WNK2: variants seen among roughly 807,000 people sequenced by gnomAD.
The protein encoded by WNK2 is WNK lysine deficient protein kinase 2.
In WNK2, 67 loss-of-function variants were observed where a neutral mutation model predicts 192.1. The ratio of observed to expected loss-of-function variants is 0.35; its 90% CI spans 0.29 to 0.43. The LOEUF is 0.43. WNK2 is among the 20% of genes least tolerant of loss of function. The pLI is 1.00. For synonymous variants in WNK2, 1,439 were observed against 1,393.9 expected, an observed-to-expected ratio of 1.03 and a Z score of -0.72; for missense variants, 2,698 against 3,089.7, an observed-to-expected ratio of 0.87 and a Z score of 3.01.
chr9:93,263,149 G>A, intron 14 of WNK2: 1 of 374,858 alleles, frequency 2.7e-6, no homozygotes, highest in Non-Finnish European at 4.9e-6. Flanking sequence ...TATTTGAACT[G>A]TGACCATTTG....
intron 7 of WNK2, among the ~76,000 whole-genome samples, chr9:93,245,249 G>A (rs1841487341): frequency 6.6e-6 from 1 of 152,158 alleles, no homozygotes; most frequent in Non-Finnish European, 1.5e-5. Context: ...GAATACTTTC[G>A]TGTCTGCTTC....
At chr9:93,228,926 G>T (rs1055601703) in intron 2 of WNK2, among the ~76,000 whole-genome samples, 17 of 152,148 alleles carry the variant, frequency 1.1e-4, no homozygotes, top group Admixed American at 2.6e-4. Flanking sequence ...CAGGCGGCGG[G>T]AGGGTGGCCA....
At chr9:93,271,989 AG>A (rs1206030760) in intron 19 of WNK2, among the ~76,000 whole-genome samples, 5 of 152,266 alleles carry the variant, frequency 3.3e-5, no homozygotes, top group African/African-American at 1.2e-4. Context: ...AAGTGTTGAA[AG>A]AAAAAACTGT....
Position 93,257,098 on chromosome 9 carries a change from C to T in WNK2, c.2341C>T (p.Pro781Ser). The change falls in exon 11 of 30, where the codon CCA (proline) becomes TCA (serine). Residue 781 changes from proline to serine, a missense_variant. By Grantham distance (74) the Pro-to-Ser change is moderately conservative. Coordinates refer to ENST00000427277, the MANE Select transcript of WNK2 (RefSeq NM_006648.4). This position sits in a 1 kb window ranked among gnomAD's most constrained non-coding sequence, Gnocchi z 4.7. The part of the protein sequence containing the change: ...APAQLKPLQM[P>S]QAPLQPLAQV... The stretch of plus-strand genomic sequence containing the variant: ...CGCTCAGCTGAAGCCCCTCCAGATG[C>T]CACAGGCGCCCCTGCAGCCGCTTGC... 6.2e-7 allele frequency: 1 copy of T among 1,608,742 alleles called. No homozygotes were observed. Among genetic ancestry groups the T allele is most frequent in the South Asian group, 1.1e-5 (1 of 90,894 alleles).
At chr9:93,310,092 A>G (rs1321349458) in intron 28 of WNK2, among the ~76,000 whole-genome samples, 2 of 152,158 alleles carry the variant, frequency 1.3e-5, no homozygotes, top group Admixed American at 6.5e-5. Flanking sequence ...TGCTGTTCCA[A>G]TGATGCTGGA....
intron 2 of WNK2, among the ~76,000 whole-genome samples, chr9:93,199,725 C>A (rs62571716): frequency 1.3e-5 from 2 of 151,302 alleles, no homozygotes; most frequent in Admixed American, 1.3e-4. Flanking sequence ...GGTGAAACCC[C>A]GTCTCTACTA....
chr9:93,317,180 G>C (rs4743913), intron 28 of WNK2: 399,905 of 420,352 alleles, frequency 0.95, 190,860 homozygotes, highest in East Asian at 1. Context: ...AAGCAGGAGG[G>C]CTTTGTGGTG....
Position 93,229,658 on chromosome 9 carries a change from CCATCTCTTGCCCACTTAGCA to C in WNK2, c.682-37_682-18del, listed in dbSNP as rs1288223635. The C allele has an allele frequency of 2.5e-6, 4 of 1,595,694 alleles. No homozygotes were observed. Among genetic ancestry groups the C allele is most frequent in the Non-Finnish European group, 3.4e-6 (4 of 1,168,628 alleles). Reference sequence around the variant, plus strand: ...ACGCCACCGTGTCCCCTTCTGTGTCCCATCTCTTGCCCACTTAGCATGTCTCTTGCCCTGTAGGACCGGAA... The same window carrying C: ...ACGCCACCGTGTCCCCTTCTGTGTCCTGTCTCTTGCCCTGTAGGACCGGAA... On this transcript the variant is annotated intron_variant, in intron 2 of 29. Transcript: ENST00000427277. This position sits in a 1 kb window ranked among gnomAD's most constrained non-coding sequence, Gnocchi z 4.9.
rs551918991 is a variant in WNK2 at position 93,230,149 on chromosome 9, G to A, written c.854+281G>A. On this transcript the variant is annotated intron_variant, in intron 3 of 29. Transcript: ENST00000427277. ...GCTCAGGACGCAGGCTGGGCGGGGTGCACAGTGGGGACTGTGGGATTCTGA... is the reference window on the plus strand; with the variant it reads ...GCTCAGGACGCAGGCTGGGCGGGGTACACAGTGGGGACTGTGGGATTCTGA... Among the ~76,000 whole-genome samples, 124 of 152,286 alleles carry A rather than the reference G, an allele frequency of 8.1e-4. 5 individuals are homozygous for A. The South Asian group carries it at 0.024, about 30-fold the overall frequency.
At position 93,289,661 on chromosome 9, in the gene WNK2, G is replaced by A. The variant is rs567193563; in HGVS notation, c.4866+41G>A. On this transcript the variant is annotated intron_variant, in intron 20 of 29. Coordinates refer to ENST00000427277, the MANE Select transcript of WNK2 (RefSeq NM_006648.4). The stretch of plus-strand genomic sequence containing the variant: ...GTCCCAGAGACACTGCCCTGGGTCA[G>A]GGGCCGGAGCCCGGGCGCAGGCCCG... 6.3e-6 allele frequency: 9 copies of A among 1,427,136 alleles called. No homozygotes were observed. The East Asian group carries it at 2.3e-4, about 36-fold the overall frequency. The allele number at this position is 1,427,136 out of a possible 1,614,324, so 88.4% of individuals were successfully genotyped here. A position where few individuals can be genotyped will look rare whatever the true frequency, so the allele number is the denominator to read the frequency against.
Position 93,247,470 on chromosome 9 carries a change from G to A in WNK2, c.1543-73G>A, listed in dbSNP as rs1841925069. ...GCGTGGATGAGCCAGTGATGGGAAA[G>A]CACTTTAGGTAAGGGGTGTGGGCCG... is the stretch of plus-strand genomic sequence containing the variant. On this transcript the variant is annotated intron_variant, in intron 7 of 29. Coordinates refer to ENST00000427277, the MANE Select transcript of WNK2 (RefSeq NM_006648.4). This position sits in a 1 kb window ranked among gnomAD's most constrained non-coding sequence, Gnocchi z 5.2. 5 of 1,518,348 alleles carry A rather than the reference G, an allele frequency of 3.3e-6. No homozygotes were observed. Among genetic ancestry groups the A allele is most frequent in the Admixed American group, 1.9e-5 (1 of 51,490 alleles). The allele number at this position is 1,518,348 out of a possible 1,614,324, so 94.1% of individuals were successfully genotyped here. A position where few individuals can be genotyped will look rare whatever the true frequency, so the allele number is the denominator to read the frequency against.
At chr9:93,230,365 T>G (rs756674176) in intron 3 of WNK2, among the ~76,000 whole-genome samples, 55 of 152,162 alleles carry the variant, frequency 3.6e-4, no homozygotes, top group Admixed American at 6.5e-4. Flanking sequence ...CCGGGCAGTT[T>G]CCGTCATAGG....
At position 93,297,847 on chromosome 9, in the gene WNK2, C is replaced by T. The variant is rs768523186; in HGVS notation, c.5709-6C>T. 12 of 1,571,474 alleles carry T rather than the reference C, an allele frequency of 7.6e-6. No individual in the cohort carries two copies. Among genetic ancestry groups the T allele is most frequent in the Non-Finnish European group, 8.6e-7 (1 of 1,160,002 alleles). On this transcript the variant is annotated splice_polypyrimidine_tract_variant and splice_region_variant and intron_variant, in intron 23 of 29. Coordinates refer to ENST00000427277, the MANE Select transcript of WNK2 (RefSeq NM_006648.4). ...CATCGGCGCTCCCTCCTGTCCCCTCCTGCAGGCACCTGAAGGAGATCTCGG... is the reference window on the plus strand; with the variant it reads ...CATCGGCGCTCCCTCCTGTCCCCTCTTGCAGGCACCTGAAGGAGATCTCGG...
chr9:93,207,842 G>GA (rs949396751), intron 2 of WNK2, among the ~76,000 whole-genome samples: 2 of 151,634 alleles, frequency 1.3e-5, no homozygotes, highest in Admixed American at 6.6e-5. Context: ...TACAGGAAAG[G>GA]AAAAAAAAGA....
chr9:93,233,458 G>T (rs887732547), intron 4 of WNK2, among the ~76,000 whole-genome samples: 3 of 152,134 alleles, frequency 2.0e-5, no homozygotes, highest in Admixed American at 6.5e-5. Flanking sequence ...TACTTTGGGA[G>T]GCTGAGGCGG....
chr9:93,195,991 A>G (rs1008708160), intron 2 of WNK2, among the ~76,000 whole-genome samples: 16 of 152,144 alleles, frequency 1.1e-4, no homozygotes, highest in African/African-American at 3.6e-4. Flanking sequence ...AGGTGCTATC[A>G]TTAGATGTGT....
intron 2 of WNK2, among the ~76,000 whole-genome samples, chr9:93,194,122 A>T (rs570513710): frequency 6.6e-6 from 1 of 152,366 alleles, no homozygotes; most frequent in African/African-American, 2.4e-5. Context: ...CATATGCCTA[A>T]ATGTAAAATC....
In WNK2 at chr9:93,191,185, C is replaced by A. The variant is rs183255939; in HGVS notation, c.681+5575C>A. Among the ~76,000 whole-genome samples, 1,092 of 152,224 alleles carry A rather than the reference C, an allele frequency of 7.2e-3. 6 individuals are homozygous for A. Among genetic ancestry groups the A allele is most frequent in the Non-Finnish European group, 0.011 (734 of 68,014 alleles). On this transcript the variant is annotated intron_variant, in intron 2 of 29. Transcript: ENST00000427277. ...GTGGGCCCTGAGAGTTGCATCCCCC[C>A]ACCCTGTCCTGTCATTTCCGGGGAC...
chr9:93,244,422 C>T (rs1034761302), intron 7 of WNK2, among the ~76,000 whole-genome samples: 3 of 152,162 alleles, frequency 2.0e-5, no homozygotes, highest in Non-Finnish European at 4.4e-5. Context: ...TAATGCAATG[C>T]GCCTGTGTGG....
Sources: gnomAD v4.1 joint callset for allele counts (sites outside exome capture counted in the v4.1 genomes callset) on GRCh38, gnomAD v4.1.1 for gene constraint, Gnocchi (gnomAD v3.1) non-coding constraint, MANE v1.5 for transcripts, NCBI Gene and HGNC (gene_info 2026-07-23, HGNC 2026-07-21) for gene names.